The following NIN variants were observed in gnomAD, a reference collection of about 807,000 sequenced individuals.
NIN encodes glycogen synthase kinase 3 beta-interacting protein.
In NIN, 137 loss-of-function variants were observed where a neutral mutation model predicts 257.6. The observed-to-expected ratio is 0.53, with a 90% CI of 0.46 to 0.61. The LOEUF is 0.61. Ranked by LOEUF, NIN falls within the 20% of genes least tolerant of loss-of-function variation. The probability of loss-of-function intolerance (pLI) is 0.00; values close to 1 mark genes in which losing one functional copy is unlikely to be tolerated. For missense variants in NIN, 2,439 were observed against 2,501.2 expected, an observed-to-expected ratio of 0.98 and a Z score of 0.53; for synonymous variants, 918 against 919.8, an observed-to-expected ratio of 1.00 and a Z score of 0.04.
intron 3 of NIN, among the ~76,000 whole-genome samples, chr14:50,816,771 T>C (rs2044918286): frequency 6.6e-6 from 1 of 152,120 alleles, no homozygotes; most frequent in African/African-American, 2.4e-5. Context: ...ATCACAGAAA[T>C]AAGGCATTAT....
chr14:50,805,021 TA>T (rs1342708618), intron 4 of NIN, among the ~76,000 whole-genome samples: 1 of 152,224 alleles, frequency 6.6e-6, no homozygotes, highest in African/African-American at 2.4e-5. Context: ...ATATTTATTA[TA>T]ATTTTCTGGC....
Position 50,759,970 on chromosome 14 carries a change from T to C in NIN, c.2286A>G (p.Leu762=), listed in dbSNP as rs770097337. Residue 762 remains leucine, a synonymous_variant, in exon 17 of 31, where the codon CTA becomes CTG. Transcript: ENST00000530997. ...EEKVRGLTQE[L]EQFHQEQLTS... is the part of the protein sequence containing the mutation. ...TCAGCTGCTCCTGGTGAAACTGCTC[T>C]AGTTCCTGAGTCAAGCCTCTCACCT... 11 of 1,614,122 alleles carry C rather than the reference T, an allele frequency of 6.8e-6. No individual in the cohort carries two copies. The South Asian group carries it at 9.9e-5, about 14-fold the overall frequency.
At chr14:50,769,340 A>G (rs191188634) in intron 12 of NIN, among the ~76,000 whole-genome samples, 13 of 152,316 alleles carry the variant, frequency 8.5e-5, no homozygotes, top group African/African-American at 2.9e-4. Flanking sequence ...ATATGGTGTA[A>G]GAGTCCAGCA....
At chr14:50,763,748 C>G in intron 15 of NIN, 78 bp downstream of exon 15, 1 of 1,241,780 alleles carries the variant, frequency 8.1e-7, no homozygotes. Flanking sequence ...GTTGCCAAAG[C>G]TTTGCAATTT....
intron 2 of NIN, among the ~76,000 whole-genome samples, chr14:50,829,745 A>G (rs117948605): frequency 0.027 from 4,175 of 152,228 alleles, 86 homozygotes; most frequent in Middle Eastern, 0.13. Context: ...TGGTGCCTTC[A>G]CCTCGGGTTG....
chr14:50,758,356 G>C lies in NIN; in HGVS notation c.2674C>G (p.Gln892Glu), dbSNP rs1052929874. The change falls in exon 18 of 31, where the codon CAG (glutamine) becomes GAG (glutamate). Residue 892 changes from glutamine (Q) to glutamate (E), a missense_variant. Gln to Glu is a conservative substitution (Grantham distance 29). Transcript: ENST00000530997. ...REKTTSLVLT[Q>E]EREMLEKTYK... ...GTTTTCTCCAGCATCTCTCTCTCCT[G>C]GGTCAGGACCAGAGAAGTTGTTTTC... is the stretch of plus-strand genomic sequence containing the variant. The C allele has an allele frequency of 6.2e-7, 1 of 1,614,106 alleles. No individual in the cohort carries two copies. The highest frequency in any genetic ancestry group is 8.5e-7 in the Non-Finnish European group (1 of 1,180,042).
chr14:50,729,791 C>T, intron 28 of NIN, 68 bp from the exon 29 acceptor site: 1 of 1,248,164 alleles, frequency 8.0e-7, no homozygotes, highest in South Asian at 1.5e-5. Flanking sequence ...TTTATGGTGT[C>T]AGGCAGTGAG....
chr14:50,821,356 G>T (rs895532034), intron 3 of NIN, among the ~76,000 whole-genome samples: 3 of 152,176 alleles, frequency 2.0e-5, no homozygotes, highest in Admixed American at 2.0e-4. Context: ...ACACATCCCT[G>T]CTGGAAGCAA....
chr14:50,804,394 C>T (rs1158859720), intron 4 of NIN, among the ~76,000 whole-genome samples: 1 of 152,160 alleles, frequency 6.6e-6, no homozygotes, highest in Non-Finnish European at 1.5e-5. Flanking sequence ...TTTATCCTGC[C>T]AGGACAAATG....
intron 25 of NIN, among the ~76,000 whole-genome samples, chr14:50,741,206 A>G (rs2041264613): frequency 6.6e-6 from 1 of 152,230 alleles, no homozygotes. Context: ...CCATTTAAGA[A>G]AATGTTTTAG....
intron 5 of NIN, among the ~76,000 whole-genome samples, chr14:50,788,747 A>C (rs370830599): frequency 2.0e-5 from 3 of 152,170 alleles, no homozygotes; most frequent in African/African-American, 7.2e-5. Context: ...CCCCTTGGGG[A>C]CAGTTTTTAT....
intron 16 of NIN, among the ~76,000 whole-genome samples, chr14:50,761,034 G>A (rs933611920): frequency 7.2e-5 from 11 of 152,164 alleles, no homozygotes; most frequent in African/African-American, 2.6e-4. Context: ...TGCAGGCCTC[G>A]GAATACAACG....
intron 8 of NIN, 40 bp from the exon 9 acceptor site, chr14:50,772,508 C>T: frequency 6.3e-7 from 1 of 1,594,566 alleles, no homozygotes; most frequent in Non-Finnish European, 8.6e-7. Context: ...TAGCTTGATT[C>T]CAGGCATTTC....
At chr14:50,766,736 T>C in intron 13 of NIN, 44 bp downstream of exon 13, 1 of 1,359,352 alleles carries the variant, frequency 7.4e-7, no homozygotes, top group Admixed American at 1.7e-5. Flanking sequence ...GTAAACTACA[T>C]AAAGTAGGCT....
At chr14:50,800,534 C>T (rs1451778159) in intron 4 of NIN, among the ~76,000 whole-genome samples, 5 of 152,306 alleles carry the variant, frequency 3.3e-5, no homozygotes, top group African/African-American at 1.2e-4. Flanking sequence ...ACCTTATACA[C>T]ACATTTTTAT....
intron 29 of NIN, among the ~76,000 whole-genome samples, chr14:50,729,003 T>A (rs1432912079): frequency 3.3e-5 from 5 of 152,246 alleles, no homozygotes; most frequent in Non-Finnish European, 4.4e-5. Context: ...TGTACTTTGT[T>A]AGTAGCGCAT....
intron 3 of NIN, among the ~76,000 whole-genome samples, chr14:50,811,943 A>G (rs111770067): frequency 0.18 from 22,743 of 126,510 alleles, 2,025 homozygotes; most frequent in East Asian, 0.39. Flanking sequence ...GCAGTGAGCC[A>G]AGACTCCGTC....
chr14:50,722,066 C>G lies in NIN; in HGVS notation c.*1397G>C, dbSNP rs533656557. On this transcript the variant is annotated 3_prime_UTR_variant, in exon 31 of 31. Coordinates refer to ENST00000530997, the MANE Select transcript of NIN (RefSeq NM_020921.4). ...TTTTCGGATTATTGTCTCATGAAAACAAGCAGGTTGTTGTGATGAACTTGG... is the reference window on the plus strand; with the variant it reads ...TTTTCGGATTATTGTCTCATGAAAAGAAGCAGGTTGTTGTGATGAACTTGG... The G allele has an allele frequency of 4.4e-5, 10 of 228,946 alleles. No homozygotes were observed. Among genetic ancestry groups the G allele is most frequent in the African/African-American group, 2.0e-4 (9 of 45,204 alleles). The allele number at this position is 228,946 out of a possible 1,614,324, so 14.2% of individuals were successfully genotyped here. A position where few individuals can be genotyped will look rare whatever the true frequency, so the allele number is the denominator to read the frequency against.
chr14:50,757,913 T>C lies in NIN; in HGVS notation c.3117A>G (p.Ile1039Met). The part of the protein sequence containing the change: ...LSMLQSGCQV[I>M]GEEEVEGDGA... ...CATCTCCTTCCACCTCCTCCTCTCC[T>C]ATCACCTGGCAACCACTCTGAAGCA... Residue 1039 changes from isoleucine (I) to methionine (M), a missense_variant, in exon 18 of 31, where the codon ATA (isoleucine) becomes ATG (methionine). Ile to Met is a conservative substitution (Grantham distance 10). Coordinates refer to ENST00000530997, the MANE Select transcript of NIN (RefSeq NM_020921.4). 1.2e-6 allele frequency: 2 copies of C among 1,614,156 alleles called. No individual in the cohort carries two copies. The highest frequency in any genetic ancestry group is 1.7e-6 in the Non-Finnish European group (2 of 1,180,016).
Sources: gnomAD v4.1 joint callset for allele counts (sites outside exome capture counted in the v4.1 genomes callset) on GRCh38, gnomAD v4.1.1 for gene constraint, MANE v1.5 for transcripts, NCBI Gene and HGNC (gene_info 2026-07-23, HGNC 2026-07-21) for gene names.